The following MEAK7 variants were observed in gnomAD, a reference collection of about 807,000 sequenced individuals.
MEAK7 encodes MTOR-associated protein MEAK7.
MEAK7 carries 68 observed loss-of-function variants against 40.5 expected under a neutral mutation model. That is an observed-to-expected ratio of 1.68 (90% confidence interval 1.38 to 2.06). The LOEUF (loss-of-function observed/expected upper bound fraction) is 2.06, where lower values mean the gene tolerates loss of function less well. Among genes scored for constraint, MEAK7 ranks in the 30% most tolerant of loss-of-function variants. The pLI is 0.00. For missense variants in MEAK7, 918 were observed against 580.5 expected (o/e 1.58, Z -5.98); for synonymous variants, 338 against 231.9 (o/e 1.46, Z -4.16).
intron 2 of MEAK7, chr16:84,497,630 T>C (rs1336765201): frequency 7.3e-7 from 1 of 1,375,014 alleles, no homozygotes; most frequent in Non-Finnish European, 9.6e-7. Flanking sequence ...TCATTCATTA[T>C]CTACTCCAGG....
In MEAK7 at chr16:84,497,920, G is replaced by T; in HGVS notation, c.153+14C>A. ...GCTCCCAACTAAACATGAACCACGG[G>T]TTGTTACTCTTGCCTGTAGTGCCTT... On this transcript the variant is annotated intron_variant, in intron 2 of 7. Coordinates refer to ENST00000343629, the MANE Select transcript of MEAK7 (RefSeq NM_020947.4). 1 of 1,614,182 alleles carries T rather than the reference G, an allele frequency of 6.2e-7. No homozygotes were observed. Among genetic ancestry groups the T allele is most frequent in the Non-Finnish European group, 8.5e-7 (1 of 1,180,028 alleles).
chr16:84,495,739 T>A lies in MEAK7; in HGVS notation c.328A>T (p.Ile110Phe), dbSNP rs1444561909. ...TCTGTGGCAGAAATCATTTTCATAA[T>A]CATGAGACTCTTCTCCTCGGAGTTT... is the stretch of plus-strand genomic sequence containing the variant. The part of the protein sequence containing the change: ...KGNSEEKSLM[I>F]MKMISATEGP... The change falls in exon 3 of 8, where the codon ATT becomes TTT. Residue 110 changes from isoleucine to phenylalanine, a missense_variant. Transcript: ENST00000343629. 3 of 1,613,818 alleles carry A rather than the reference T, an allele frequency of 1.9e-6. No individual in the cohort carries two copies. The highest frequency in any genetic ancestry group is 2.2e-5 in the East Asian group (1 of 44,884).
intron 2 of MEAK7, among the ~76,000 whole-genome samples, chr16:84,496,230 C>T (rs1914037192): frequency 6.6e-6 from 1 of 152,166 alleles, no homozygotes; most frequent in Admixed American, 6.5e-5. Flanking sequence ...ATCCATGGTG[C>T]CCTGCATTTA....
chr16:84,489,606 T>C (rs1913395875), intron 3 of MEAK7, among the ~76,000 whole-genome samples, 184 bp from the exon 4 acceptor site: 2 of 152,342 alleles, frequency 1.3e-5, no homozygotes, highest in South Asian at 2.1e-4. Context: ...CCTAGAACTT[T>C]TCCCAAAGCC....
chr16:84,489,556 G>T (rs1470785485), intron 3 of MEAK7, 134 bp from the exon 4 acceptor site: 4 of 1,044,974 alleles, frequency 3.8e-6, no homozygotes, highest in South Asian at 1.8e-5. Flanking sequence ...GTCATGCAAT[G>T]TATGTAGTTA....
intron 1 of MEAK7, chr16:84,502,603 G>A (rs1369216490): frequency 1.3e-5 from 2 of 152,050 alleles, no homozygotes; most frequent in Non-Finnish European, 2.9e-5. Flanking sequence ...GCCAGGGACT[G>A]AAAGCTTTCC....
chr16:84,502,374 A>C (rs758177714), intron 1 of MEAK7, among the ~76,000 whole-genome samples: 3 of 152,142 alleles, frequency 2.0e-5, no homozygotes, highest in Non-Finnish European at 2.9e-5. Flanking sequence ...CCTTACGACG[A>C]GGAAGTGTCC....
In MEAK7 at chr16:84,487,951, GATT is replaced by G. The variant is rs1913240783; in HGVS notation, c.530-895_530-893del. On this transcript the variant is annotated intron_variant, in intron 4 of 7. Coordinates refer to ENST00000343629, the MANE Select transcript of MEAK7 (RefSeq NM_020947.4). ...CTGACACAAAGGCCCCATTTACAGA[GATT>G]ATAATTCCCAACCTAGCGAAAATTT... The G allele has an allele frequency of 2.0e-5, 3 of 152,186 alleles. No individual in the cohort carries two copies. The South Asian group carries it at 6.2e-4, about 32-fold the overall frequency. 9.4% of individuals were successfully genotyped at this position (152,186 alleles called of 1,614,324 possible).
At position 84,487,001 on chromosome 16, in the gene MEAK7, G is replaced by A. The variant is rs754360892; in HGVS notation, c.588C>T (p.Ile196=). The change falls in exon 5 of 8, where the codon ATC becomes ATT. Residue 196 remains isoleucine, a synonymous_variant. Coordinates refer to ENST00000343629, the MANE Select transcript of MEAK7 (RefSeq NM_020947.4). ...GGGGGACCCTGAACACCCAGTCCTCGATCACAGCTCGGTCACAGTCATAGT... is the reference window on the plus strand; with the variant it reads ...GGGGGACCCTGAACACCCAGTCCTCAATCACAGCTCGGTCACAGTCATAGT... ...WLDYDCDRAV[I]EDWVFRVPHV... 3.3e-5 allele frequency: 54 copies of A among 1,613,920 alleles called. 1 individual carries two copies. Among genetic ancestry groups the A allele is most frequent in the East Asian group, 8.9e-5 (4 of 44,884 alleles).
At chr16:84,481,372 G>A (rs1259811064) in intron 6 of MEAK7, among the ~76,000 whole-genome samples, 1 of 152,224 alleles carries the variant, frequency 6.6e-6, no homozygotes, top group Admixed American at 6.5e-5. Context: ...ACACTGCCCA[G>A]AGTTGACACG....
At chr16:84,486,356 G>T in intron 5 of MEAK7, 1 of 976,280 alleles carries the variant, frequency 1.0e-6, no homozygotes. Flanking sequence ...GGCATCTGTG[G>T]CTTGACTTCT....
chr16:84,490,082 G>A (rs1913436872), intron 3 of MEAK7, among the ~76,000 whole-genome samples: 1 of 152,186 alleles, frequency 6.6e-6, no homozygotes, highest in Admixed American at 6.5e-5. Context: ...TACCATTAGA[G>A]CACTCAGTAA....
intron 1 of MEAK7, chr16:84,500,005 C>G (rs370432044): frequency 1.3e-5 from 2 of 152,186 alleles, no homozygotes; most frequent in East Asian, 1.9e-4. Flanking sequence ...CCACTGCACT[C>G]CAGCCTGGGT....
At chr16:84,493,878 G>A (rs1197490887) in intron 3 of MEAK7, among the ~76,000 whole-genome samples, 1 of 152,012 alleles carries the variant, frequency 6.6e-6, no homozygotes, top group Non-Finnish European at 1.5e-5. Flanking sequence ...TCCTTTACAG[G>A]GTCCTGATCT....
chr16:84,504,214 G>A (rs906779116), intron 1 of MEAK7: 2 of 951,396 alleles, frequency 2.1e-6, no homozygotes, highest in South Asian at 9.7e-5. Flanking sequence ...ACACTTCAGT[G>A]TCTACCCCAG....
intron 3 of MEAK7, among the ~76,000 whole-genome samples, chr16:84,493,433 C>T (rs556117031): frequency 5.9e-5 from 9 of 152,160 alleles, no homozygotes; most frequent in African/African-American, 1.9e-4. Flanking sequence ...TGAGGATTGC[C>T]GATCCAATAT....
At chr16:84,498,268 G>A (rs8047487) in intron 1 of MEAK7, among the ~76,000 whole-genome samples, 157 bp from the exon 2 acceptor site, 2 of 152,078 alleles carry the variant, frequency 1.3e-5, no homozygotes, top group African/African-American at 2.4e-5. Flanking sequence ...TTTGGGTTTT[G>A]TTTTTGTTTT....
intron 2 of MEAK7, chr16:84,497,440 A>T: frequency 7.8e-7 from 1 of 1,289,262 alleles, no homozygotes; most frequent in Non-Finnish European, 1.0e-6. Context: ...GCAACGGTGC[A>T]CCTGACACGT....
At chr16:84,483,672 C>A (rs975501966) in intron 5 of MEAK7, among the ~76,000 whole-genome samples, 3 of 152,216 alleles carry the variant, frequency 2.0e-5, no homozygotes, top group Non-Finnish European at 2.9e-5. Flanking sequence ...TGGGCTGACA[C>A]CGCCCAAGGC....
Sources: allele counts gnomAD v4.1 joint callset (sites outside exome capture counted in the v4.1 genomes callset), GRCh38; gene constraint gnomAD v4.1.1; transcripts MANE v1.5; gene names NCBI Gene and HGNC (gene_info 2026-07-23, HGNC 2026-07-21).